The following ATP6V1A variants were observed in gnomAD, a reference collection of about 807,000 sequenced individuals.
ATP6V1A encodes V-type proton ATPase catalytic subunit A.
ATP6V1A carries 18 observed loss-of-function variants against 70.1 expected under a neutral mutation model. The ratio of observed to expected loss-of-function variants is 0.26; its 90% CI spans 0.18 to 0.38. The LOEUF (loss-of-function observed/expected upper bound fraction) is 0.38. Among genes scored for constraint, ATP6V1A ranks in the 10% least tolerant of loss-of-function variants. The pLI is 1.00. For synonymous variants in ATP6V1A, 232 were observed against 253.8 expected (o/e 0.91, Z 0.82); for missense variants, 424 against 772.4 (o/e 0.55, Z 5.35).
At chr3:113,806,115 A>G (rs1201859590) in intron 14 of ATP6V1A, among the ~76,000 whole-genome samples, 1 of 152,172 alleles carries the variant, frequency 6.6e-6, no homozygotes, top group East Asian at 1.9e-4. Context: ...TCTACAAAAA[A>G]TACAAAAGAT....
At position 113,786,237 on chromosome 3, in the gene ATP6V1A, T is replaced by A. The variant is rs1290151325; in HGVS notation, c.570T>A (p.Val190=). ...APPGNYDTSD[V]VLELEFEGVK... The stretch of plus-strand genomic sequence containing the variant: ...ATCCTACTGTATTTCTATAGGATGT[T>A]GTCTTGGAGCTTGAATTTGAAGGTG... Residue 190 remains valine (V), a synonymous_variant, in exon 6 of 15, where the codon GTT becomes GTA. Transcript: ENST00000273398. 8 of 1,603,602 alleles carry A rather than the reference T, an allele frequency of 5.0e-6. No homozygotes were observed. The highest frequency in any genetic ancestry group is 6.8e-6 in the Non-Finnish European group (8 of 1,173,802).
intron 8 of ATP6V1A, among the ~76,000 whole-genome samples, chr3:113,791,749 A>T (rs1709094457): frequency 6.6e-6 from 1 of 152,194 alleles, no homozygotes; most frequent in Non-Finnish European, 1.5e-5. Flanking sequence ...GAAAATAGGG[A>T]GTACCTACTT....
intron 8 of ATP6V1A, among the ~76,000 whole-genome samples, chr3:113,792,466 T>C (rs1318553534): frequency 6.6e-6 from 1 of 152,084 alleles, no homozygotes. Context: ...GCCTCCCAAG[T>C]AGCTGAGGCT....
intron 6 of ATP6V1A, 73 bp downstream of exon 6, chr3:113,786,456 G>C (rs572413206): frequency 1.3e-6 from 2 of 1,488,194 alleles, no homozygotes; most frequent in South Asian, 1.3e-5. Context: ...TATCTTTATA[G>C]ATAAAGGGCT....
At chr3:113,784,200 G>T in intron 3 of ATP6V1A, 24 bp from the exon 4 acceptor site, 2 of 1,600,346 alleles carry the variant, frequency 1.2e-6, no homozygotes, top group African/African-American at 1.3e-5. Context: ...TTCATAGTAG[G>T]TTTTCCTTAG....
At chr3:113,780,793 C>G (rs1708969211) in intron 2 of ATP6V1A, 1 of 1,323,656 alleles carries the variant, frequency 7.6e-7, no homozygotes, top group Non-Finnish European at 9.9e-7. Context: ...GGTAAGTTTG[C>G]CATGCAGAAC....
intron 5 of ATP6V1A, among the ~76,000 whole-genome samples, chr3:113,785,655 C>T (rs886985472): frequency 2.0e-5 from 3 of 150,040 alleles, no homozygotes; most frequent in African/African-American, 7.3e-5. Context: ...ACCACGGGCA[C>T]ATGCCACCAT....
intron 1 of ATP6V1A, among the ~76,000 whole-genome samples, chr3:113,752,698 GTA>G (rs1468402508): frequency 6.6e-6 from 1 of 152,008 alleles, no homozygotes; most frequent in Non-Finnish European, 1.5e-5. Context: ...GTAAATCTCA[GTA>G]TATAAGATAA....
intron 1 of ATP6V1A, among the ~76,000 whole-genome samples, chr3:113,768,592 CTT>C (rs34915547): frequency 0.012 from 1,232 of 103,396 alleles, 12 homozygotes; most frequent in African/African-American, 0.038. Context: ...TAGCCTGTAT[CTT>C]TTTTTTTTTT....
intron 8 of ATP6V1A, among the ~76,000 whole-genome samples, chr3:113,793,755 A>G (rs754878205): frequency 2.6e-5 from 4 of 152,148 alleles, no homozygotes; most frequent in African/African-American, 4.8e-5. Context: ...GAAAGATGCA[A>G]TATGATAAAT....
intron 8 of ATP6V1A, among the ~76,000 whole-genome samples, chr3:113,791,607 A>G (rs1281575804): frequency 6.6e-6 from 1 of 152,112 alleles, no homozygotes; most frequent in Non-Finnish European, 1.5e-5. Context: ...CTTCATGGTA[A>G]CTTGTGAAGT....
Position 113,784,362 on chromosome 3 carries a change from A to T in ATP6V1A, c.350A>T (p.Tyr117Phe). 6.2e-7 allele frequency: 1 copy of T among 1,614,212 alleles called. No individual in the cohort carries two copies. The highest frequency in any genetic ancestry group is 1.1e-5 in the South Asian group (1 of 91,090). ...ATCAGCAGTCAGACCCAAAGCATCT[A>T]CATCCCCAGAGGAGTAAACGTGTCT... ...SDISSQTQSI[Y>F]IPRGVNVSAL... Residue 117 changes from tyrosine (Y) to phenylalanine (F), a missense_variant, in exon 4 of 15, where the codon TAC becomes TTC. By Grantham distance (22) the Tyr-to-Phe change is conservative. Transcript: ENST00000273398.
intron 3 of ATP6V1A, 36 bp from the exon 4 acceptor site, chr3:113,784,188 C>A: frequency 6.4e-7 from 1 of 1,572,520 alleles, no homozygotes. Context: ...TGTCTTTAAA[C>A]CTTCATAGTA....
At chr3:113,754,623 G>C (rs1378116529) in intron 1 of ATP6V1A, among the ~76,000 whole-genome samples, 2 of 152,034 alleles carry the variant, frequency 1.3e-5, no homozygotes, top group Admixed American at 6.6e-5. Flanking sequence ...TGTTATTTTT[G>C]GTATGGATAG....
chr3:113,783,453 T>G (rs1164350454), intron 3 of ATP6V1A, among the ~76,000 whole-genome samples: 1 of 152,226 alleles, frequency 6.6e-6, no homozygotes, highest in Non-Finnish European at 1.5e-5. Context: ...ATAACTTTAT[T>G]CTTAAGATTT....
intron 11 of ATP6V1A, 97 bp from the exon 12 acceptor site, chr3:113,798,146 A>T (rs968372065): frequency 4.3e-6 from 6 of 1,406,820 alleles, no homozygotes; most frequent in African/African-American, 1.4e-5. Context: ...AACAAAAAAA[A>T]AAGAATTGCA....
chr3:113,791,873 T>A (rs1180578910), intron 8 of ATP6V1A, among the ~76,000 whole-genome samples: 1 of 68,964 alleles, frequency 1.5e-5, no homozygotes, highest in African/African-American at 4.9e-5. Flanking sequence ...AAAGCACTCT[T>A]GCTTTGTTTG....
At chr3:113,756,652 G>GTT (rs1293488544) in intron 1 of ATP6V1A, among the ~76,000 whole-genome samples, 1 of 152,144 alleles carries the variant, frequency 6.6e-6, no homozygotes, top group Non-Finnish European at 1.5e-5. Context: ...TCAAATAACA[G>GTT]TAAGTATTTT....
intron 1 of ATP6V1A, among the ~76,000 whole-genome samples, chr3:113,774,542 C>T (rs566992583): frequency 8.5e-5 from 13 of 152,202 alleles, no homozygotes; most frequent in Admixed American, 6.5e-4. Flanking sequence ...TTGCTGGGTG[C>T]GGTGGCTCAC....
Sources: gnomAD v4.1 joint callset for allele counts (sites outside exome capture counted in the v4.1 genomes callset) on GRCh38, gnomAD v4.1.1 for gene constraint, MANE v1.5 for transcripts, NCBI Gene and HGNC (gene_info 2026-07-23, HGNC 2026-07-21) for gene names.